RARB: variants seen among roughly 807,000 people sequenced by gnomAD.
The protein encoded by RARB is HBV-activated protein.
In RARB, 17 loss-of-function variants were observed where a neutral mutation model predicts 51.9. That is an observed-to-expected ratio of 0.33 (90% confidence interval 0.22 to 0.49). RARB has a LOEUF of 0.49. Ranked by LOEUF, RARB falls within the 20% of genes least tolerant of loss-of-function variation. The pLI is 0.99. For synonymous variants in RARB, 215 were observed against 195.4 expected (o/e 1.10, Z -0.84); for missense variants, 369 against 550.8 (o/e 0.67, Z 3.30).
chr3:25,435,806 A>T (rs1281536824), intron 1 of RARB, among the ~76,000 whole-genome samples: 2 of 152,224 alleles, frequency 1.3e-5, no homozygotes, highest in Non-Finnish European at 2.9e-5. Flanking sequence ...ATGATTTCAC[A>T]TAGTGCACTG....
chr3:25,461,939 A>T (rs1695207083), intron 2 of RARB, among the ~76,000 whole-genome samples: 1 of 152,224 alleles, frequency 6.6e-6, no homozygotes, highest in Non-Finnish European at 1.5e-5. Flanking sequence ...AAGAATCTTG[A>T]AAAGCATCGT....
intron 5 of RARB, among the ~76,000 whole-genome samples, chr3:25,198,227 A>G (rs1242261998): frequency 6.6e-6 from 1 of 152,154 alleles, no homozygotes; most frequent in Non-Finnish European, 1.5e-5. Flanking sequence ...CCACATGCAG[A>G]AGAATGAAAC....
intron 5 of RARB, among the ~76,000 whole-genome samples, chr3:25,192,533 T>A (rs1701128472): frequency 6.6e-6 from 1 of 152,124 alleles, no homozygotes; most frequent in Admixed American, 6.6e-5. Context: ...ATTTAACATT[T>A]AGTACTGCTC....
intron 2 of RARB, among the ~76,000 whole-genome samples, chr3:24,907,838 A>G (rs972336832): frequency 6.6e-5 from 10 of 152,170 alleles, no homozygotes; most frequent in African/African-American, 2.4e-4. Context: ...TGAACTTAAT[A>G]TATTACCAAT....
chr3:24,842,530 T>G (rs1702432039), intron 1 of RARB, among the ~76,000 whole-genome samples: 1 of 152,202 alleles, frequency 6.6e-6, no homozygotes, highest in East Asian at 1.9e-4. Context: ...TTAAATCCTT[T>G]TCTATTTATA....
rs1254262432 is a variant in RARB, at chr3:25,580,755, G to A, written c.786+33G>A. 4.5e-6 allele frequency: 7 copies of A among 1,553,910 alleles called. No individual in the cohort carries two copies. The East Asian group carries it at 1.6e-4, about 35-fold the overall frequency. ...CCTTTTTGAGCTCTCAATGGGTCTG[G>A]GGAGGGAGAGAGGGCACCGTGGAGG... On this transcript the variant is annotated intron_variant, in intron 5 of 7. Coordinates refer to ENST00000330688, the MANE Select transcript of RARB (RefSeq NM_000965.5).
chr3:25,516,964 A>C (rs577211241), intron 3 of RARB, among the ~76,000 whole-genome samples: 1 of 152,250 alleles, frequency 6.6e-6, no homozygotes, highest in South Asian at 2.1e-4. Context: ...AAAAGTGTTT[A>C]ATATATACTG....
chr3:25,449,120 C>T (rs888265720), intron 1 of RARB, among the ~76,000 whole-genome samples: 20 of 152,064 alleles, frequency 1.3e-4, no homozygotes, highest in Non-Finnish European at 4.4e-5. Flanking sequence ...TCTGCCTCCC[C>T]GAAGAGCCCT....
chr3:25,442,172 G>C (rs1461757026), intron 1 of RARB, among the ~76,000 whole-genome samples: 2 of 150,634 alleles, frequency 1.3e-5, no homozygotes, highest in Admixed American at 6.6e-5. Flanking sequence ...GTCTCACTCT[G>C]TTGCCTAGGC....
chr3:24,886,100 C>T (rs536110073), intron 2 of RARB, among the ~76,000 whole-genome samples: 4 of 152,262 alleles, frequency 2.6e-5, no homozygotes, highest in Admixed American at 1.3e-4. Flanking sequence ...AGCTCAAGCC[C>T]CTAGGTCTCT....
In RARB at chr3:25,596,707, T is replaced by C. The variant is rs554355759; in HGVS notation, c.*91T>C. 1.1e-5 allele frequency: 13 copies of C among 1,193,780 alleles called. No individual in the cohort carries two copies. In the African/African-American group the frequency reaches 2.0e-4, roughly 18 times the overall value. The allele number at this position is 1,193,780 out of a possible 1,614,324, so 73.9% of individuals were successfully genotyped here. A position where few individuals can be genotyped will look rare whatever the true frequency, so the allele number is the denominator to read the frequency against. On this transcript the variant is annotated 3_prime_UTR_variant, in exon 8 of 8. Transcript: ENST00000330688. ...AAACATTTTTACTGCTGCTTAGTTT[T>C]TGGACTGAAAAGATATTAAAACTCA...
At chr3:24,973,420 T>C (rs1696444195) in intron 2 of RARB, among the ~76,000 whole-genome samples, 2 of 152,188 alleles carry the variant, frequency 1.3e-5, no homozygotes, top group African/African-American at 4.8e-5. Context: ...AACTTACTTC[T>C]TTTTGATCAG....
chr3:24,941,980 C>T (rs544367866), intron 2 of RARB, among the ~76,000 whole-genome samples: 1 of 152,318 alleles, frequency 6.6e-6, no homozygotes, highest in East Asian at 1.9e-4. Context: ...ATGTATTTTT[C>T]CCCTCAGAGG....
intron 5 of RARB, among the ~76,000 whole-genome samples, chr3:25,279,273 G>A (rs1703464848): frequency 6.6e-6 from 1 of 152,152 alleles, no homozygotes; most frequent in Admixed American, 6.6e-5. Flanking sequence ...ACAGCTTCTT[G>A]GGTGCATGGC....
At chr3:25,439,011 A>G (rs1175353325) in intron 1 of RARB, among the ~76,000 whole-genome samples, 1 of 152,134 alleles carries the variant, frequency 6.6e-6, no homozygotes, top group African/African-American at 2.4e-5. Flanking sequence ...GCTGTAGCTC[A>G]GGGGGTTCAG....
chr3:25,141,417 T>A (rs982110882), intron 4 of RARB, among the ~76,000 whole-genome samples: 4 of 152,222 alleles, frequency 2.6e-5, no homozygotes, highest in Non-Finnish European at 1.5e-5. Flanking sequence ...CTATTTGGGC[T>A]GACCCAATTT....
intron 3 of RARB, among the ~76,000 whole-genome samples, chr3:25,081,433 T>C (rs1347200447): frequency 6.6e-6 from 1 of 150,418 alleles, no homozygotes; most frequent in Non-Finnish European, 1.5e-5. Flanking sequence ...TTGGATCAAA[T>C]TGATTGATAG....
intron 2 of RARB, among the ~76,000 whole-genome samples, chr3:24,913,071 C>T (rs1465410485): frequency 9.4e-5 from 14 of 148,904 alleles, no homozygotes; most frequent in African/African-American, 3.2e-4. Flanking sequence ...AGCTCCGCCT[C>T]CCAGGTTCAT....
At chr3:25,140,720 A>G (rs1700094823) in intron 4 of RARB, among the ~76,000 whole-genome samples, 1 of 152,206 alleles carries the variant, frequency 6.6e-6, no homozygotes, top group Non-Finnish European at 1.5e-5. Context: ...ATCAAACAGC[A>G]TTGCATGTTA....
Sources: gnomAD v4.1 joint callset for allele counts (sites outside exome capture counted in the v4.1 genomes callset) on GRCh38, gnomAD v4.1.1 for gene constraint, MANE v1.5 for transcripts, NCBI Gene and HGNC (gene_info 2026-07-23, HGNC 2026-07-21) for gene names.